Variants in SAMD3 observed in about 807,000 individuals in gnomAD.
SAMD3 encodes the protein sterile alpha motif domain-containing protein 3.
In SAMD3, 63 loss-of-function variants were observed where a neutral mutation model predicts 58.5. The observed-to-expected ratio is 1.08, with a 90% CI of 0.88 to 1.33. The LOEUF is 1.33. Among genes scored for constraint, SAMD3 ranks in the 40% most tolerant of loss-of-function variants. The pLI is 0.00. For missense variants in SAMD3, 604 were observed against 608.4 expected (o/e 0.99, Z 0.08); for synonymous variants, 220 against 210.3 (o/e 1.05, Z -0.40).
intron 2 of SAMD3, among the ~76,000 whole-genome samples, chr6:130,265,898 C>G (rs1227428667): frequency 6.6e-6 from 1 of 152,044 alleles, no homozygotes; most frequent in African/African-American, 2.4e-5. Flanking sequence ...AAAATAAGTA[C>G]GTTTATCATA....
chr6:130,193,347 C>T (rs1022693137), intron 5 of SAMD3, among the ~76,000 whole-genome samples: 7 of 152,066 alleles, frequency 4.6e-5, no homozygotes, highest in African/African-American at 1.7e-4. Context: ...GCTCCCCGAT[C>T]CCTTATTTCT....
chr6:130,322,510 G>A (rs932457280), intron 1 of SAMD3, among the ~76,000 whole-genome samples: 3 of 152,142 alleles, frequency 2.0e-5, no homozygotes, highest in East Asian at 1.9e-4. Context: ...GGTGACACAC[G>A]CCTGTAATTC....
chr6:130,350,566 TAA>T (rs1356698515), intron 1 of SAMD3, among the ~76,000 whole-genome samples: 1 of 151,976 alleles, frequency 6.6e-6, no homozygotes, highest in East Asian at 1.9e-4. Flanking sequence ...CTCGATGAAA[TAA>T]AAGAGGATAC....
chr6:130,305,974 T>A (rs1316441927), intron 2 of SAMD3, among the ~76,000 whole-genome samples: 4 of 152,218 alleles, frequency 2.6e-5, no homozygotes, highest in Non-Finnish European at 5.9e-5. Context: ...AGCCAGCTTT[T>A]GGTTCATAGA....
rs147333840 is a variant in SAMD3, at chr6:130,349,517, C to T, written c.-304+15603G>A. Among the ~76,000 whole-genome samples, 1,285 of 152,166 alleles carry T rather than the reference C, an allele frequency of 8.4e-3. 17 individuals carry two copies. Among genetic ancestry groups the T allele is most frequent in the African/African-American group, 0.029 (1,219 of 41,496 alleles). Reference sequence around the variant, plus strand: ...TTCCTCATCCCTCCCAAGACTAAACCGGGAAGAAGTTGAATCTCTGAATAG... The same window carrying T: ...TTCCTCATCCCTCCCAAGACTAAACTGGGAAGAAGTTGAATCTCTGAATAG... On this transcript the variant is annotated intron_variant, in intron 1 of 13. Coordinates refer to the SAMD3 transcript ENST00000368134.
chr6:130,175,876 T>C lies in SAMD3; in HGVS notation c.787A>G (p.Ile263Val), dbSNP rs374871879. ...RGQTRKSLADIRFDEIKLVQI... is the reference protein window; with the variant it reads ...RGQTRKSLADVRFDEIKLVQI... Reference sequence around the variant, plus strand: ...ACAAGTTTAATTTCATCAAATCTTATATCAGCAAGAGATTTCCTTGTCTGG... The same window carrying C: ...ACAAGTTTAATTTCATCAAATCTTACATCAGCAAGAGATTTCCTTGTCTGG... The change falls in exon 8 of 12, where the codon ATA (isoleucine) becomes GTA (valine). Residue 263 changes from isoleucine (I) to valine (V), a missense_variant. Coordinates refer to ENST00000439090, the MANE Select transcript of SAMD3 (RefSeq NM_001017373.4). The C allele has an allele frequency of 3.3e-5, 54 of 1,612,764 alleles. No individual in the cohort carries two copies. In the African/African-American group the frequency reaches 4.4e-4, roughly 13 times the overall value.
intron 1 of SAMD3, among the ~76,000 whole-genome samples, chr6:130,355,222 G>A (rs1182715284): frequency 6.6e-6 from 1 of 152,092 alleles, no homozygotes; most frequent in East Asian, 1.9e-4. Flanking sequence ...CCGGGAGCTC[G>A]AGACCAGCCT....
intron 2 of SAMD3, among the ~76,000 whole-genome samples, chr6:130,259,414 G>A (rs898314512): frequency 3.3e-5 from 5 of 152,038 alleles, no homozygotes; most frequent in Non-Finnish European, 7.4e-5. Flanking sequence ...AGTTCTCTTG[G>A]GAATGAATGC....
intron 5 of SAMD3, among the ~76,000 whole-genome samples, chr6:130,198,973 T>C (rs1187410479): frequency 6.6e-6 from 1 of 152,178 alleles, no homozygotes; most frequent in Non-Finnish European, 1.5e-5. Flanking sequence ...GCACAAATTG[T>C]ACCTTTCTCC....
intron 2 of SAMD3, among the ~76,000 whole-genome samples, chr6:130,307,504 G>T (rs564652716): frequency 6.6e-6 from 1 of 152,136 alleles, no homozygotes; most frequent in African/African-American, 2.4e-5. Context: ...TATTCTTTAA[G>T]AGAGGAATTA....
intron 1 of SAMD3, among the ~76,000 whole-genome samples, chr6:130,345,548 G>T (rs1292528133): frequency 2.6e-5 from 4 of 152,064 alleles, no homozygotes; most frequent in South Asian, 2.1e-4. Context: ...GATGAGATTG[G>T]TTTGGGGGAC....
chr6:130,206,506 T>A (rs1352658659), intron 5 of SAMD3, among the ~76,000 whole-genome samples: 3 of 152,216 alleles, frequency 2.0e-5, no homozygotes, highest in African/African-American at 7.2e-5. Context: ...TGTTCAGCCC[T>A]TGGATGCTGG....
At chr6:130,244,148 G>A (rs752444274) in intron 2 of SAMD3, among the ~76,000 whole-genome samples, 11 of 152,138 alleles carry the variant, frequency 7.2e-5, no homozygotes, top group Non-Finnish European at 1.5e-4. Context: ...ATGTAATTTA[G>A]TTTTATTGGT....
chr6:130,280,949 T>C (rs1235278184), intron 2 of SAMD3, among the ~76,000 whole-genome samples: 1 of 152,256 alleles, frequency 6.6e-6, no homozygotes, highest in African/African-American at 2.4e-5. Flanking sequence ...AGTGGATGCC[T>C]GAAACCATGG....
At chr6:130,351,587 G>A (rs2115036450) in intron 1 of SAMD3, among the ~76,000 whole-genome samples, 1 of 152,328 alleles carries the variant, frequency 6.6e-6, no homozygotes, top group East Asian at 1.9e-4. Context: ...ACAGGTGCTG[G>A]AGAGGATGTG....
chr6:130,202,012 C>A (rs1282355121), intron 5 of SAMD3, among the ~76,000 whole-genome samples: 1 of 152,196 alleles, frequency 6.6e-6, no homozygotes, highest in Non-Finnish European at 1.5e-5. Context: ...GTATCCATCC[C>A]CAACCCCATG....
At chr6:130,270,380 C>T (rs1165745768) in intron 2 of SAMD3, among the ~76,000 whole-genome samples, 1 of 152,122 alleles carries the variant, frequency 6.6e-6, no homozygotes, top group Non-Finnish European at 1.5e-5. Flanking sequence ...GGCTTGAGCC[C>T]CTGCGTCAGG....
intron 2 of SAMD3, chr6:130,215,733 G>T: frequency 6.7e-7 from 1 of 1,490,342 alleles, no homozygotes; most frequent in Non-Finnish European, 9.0e-7. Context: ...AGGGAGGAAG[G>T]ATCAGATAAA....
intron 2 of SAMD3, among the ~76,000 whole-genome samples, chr6:130,308,370 A>ATTCTATTCTATTCTATTCT (rs1775991094): frequency 1.3e-4 from 12 of 95,112 alleles, no homozygotes; most frequent in African/African-American, 3.7e-4. Context: ...ATTCTATTCT[A>ATTCTATTCTATTCTATTCT]TTCTATTCTA....
Sources: gnomAD v4.1 joint callset for allele counts (sites outside exome capture counted in the v4.1 genomes callset) on GRCh38, gnomAD v4.1.1 for gene constraint, MANE v1.5 for transcripts, NCBI Gene and HGNC (gene_info 2026-07-23, HGNC 2026-07-21) for gene names.